CEP83: variants seen among roughly 807,000 people sequenced by gnomAD.
CEP83 encodes the protein centrosomal protein 83.
Under a neutral mutation model 101.9 loss-of-function variants are expected in CEP83, and 70 were observed. That is an observed-to-expected ratio of 0.69 (90% CI 0.57 to 0.84). The LOEUF (loss-of-function observed/expected upper bound fraction) is 0.84, where lower values mean the gene tolerates loss of function less well. Among genes scored for constraint, CEP83 ranks in the 40% least tolerant of loss-of-function variants. The probability of loss-of-function intolerance (pLI) is 0.00; values close to 1 mark genes in which losing one functional copy is unlikely to be tolerated. For missense variants in CEP83, 715 were observed against 787.2 expected, an observed-to-expected ratio of 0.91 and a Z score of 1.10; for synonymous variants, 264 against 267.9, an observed-to-expected ratio of 0.99 and a Z score of 0.14.
At chr12:94,413,863 CACATACAT>C (rs1249458075) in intron 2 of CEP83, among the ~76,000 whole-genome samples, 15 of 145,300 alleles carry the variant, frequency 1.0e-4, no homozygotes, top group East Asian at 4.0e-4. Context: ...CACACACACA[CACATACAT>C]ACATATTTTT....
At chr12:94,302,577 A>C (rs1968571239), downstream of CEP83, among the ~76,000 whole-genome samples, 2 of 152,196 alleles carry the variant, frequency 1.3e-5, no homozygotes, top group South Asian at 4.1e-4. Context: ...GTTGTTTATG[A>C]ATTATGTTCT....
intron 8 of CEP83, among the ~76,000 whole-genome samples, chr12:94,375,387 T>C (rs2137112036): frequency 6.6e-6 from 1 of 152,224 alleles, no homozygotes; most frequent in Middle Eastern, 3.4e-3. Flanking sequence ...CTGAGCAAGA[T>C]GTGAGTTTGC....
Position 94,367,903 on chromosome 12 carries a change from T to C in CEP83, c.1234A>G (p.Lys412Glu), listed in dbSNP as rs755685608. The C allele has an allele frequency of 4.3e-6, 7 of 1,613,798 alleles. No homozygotes were observed. Among genetic ancestry groups the C allele is most frequent in the South Asian group, 3.3e-5 (3 of 91,060 alleles). Residue 412 changes from lysine to glutamate, a missense_variant, in exon 11 of 17, where the codon AAA becomes GAA. Transcript: ENST00000397809. The part of the protein sequence containing the change: ...ENRLADLEKM[K>E]VEHDVWRQSE... ...TGCCTCCAGACATCATGTTCCACTT[T>C]CATTTTCTCCAAATCTGCTAATCTG... is the stretch of plus-strand genomic sequence containing the variant.
chr12:94,371,326 A>G (rs184245252), intron 8 of CEP83, among the ~76,000 whole-genome samples: 1 of 152,352 alleles, frequency 6.6e-6, no homozygotes, highest in Non-Finnish European at 1.5e-5. Context: ...AGGAAGAATC[A>G]ATTGAATCTG....
intron 11 of CEP83, among the ~76,000 whole-genome samples, chr12:94,364,332 A>G (rs1337266260): frequency 6.6e-6 from 1 of 152,232 alleles, no homozygotes; most frequent in Non-Finnish European, 1.5e-5. Context: ...ACTGCAAACA[A>G]ACTTTTTAAT....
At chr12:94,305,471 G>A (rs1968910854), downstream of CEP83, 1 of 545,908 alleles carries the variant, frequency 1.8e-6, no homozygotes, top group Non-Finnish European at 3.3e-6. Flanking sequence ...GTGCCTGTGT[G>A]TATACCGTGG....
intron 2 of CEP83, among the ~76,000 whole-genome samples, chr12:94,429,311 C>T (rs886538846): frequency 6.6e-6 from 1 of 152,154 alleles, no homozygotes; most frequent in Admixed American, 6.5e-5. Flanking sequence ...GCAATCCTAG[C>T]CACAGTAGAG....
At chr12:94,440,439 G>C (rs754412249) in intron 1 of CEP83, among the ~76,000 whole-genome samples, 4 of 151,404 alleles carry the variant, frequency 2.6e-5, no homozygotes, top group Non-Finnish European at 4.4e-5. Context: ...TTTTACAATA[G>C]CTGCAAAAAA....
chr12:94,334,340 G>C (rs1009326827), intron 12 of CEP83, among the ~76,000 whole-genome samples: 6 of 152,006 alleles, frequency 3.9e-5, no homozygotes, highest in African/African-American at 1.4e-4. Flanking sequence ...CTTTATCTGG[G>C]AGTACTTTTT....
intron 11 of CEP83, among the ~76,000 whole-genome samples, chr12:94,340,255 T>C (rs2059621808): frequency 6.6e-6 from 1 of 152,188 alleles, no homozygotes; most frequent in Non-Finnish European, 1.5e-5. Context: ...CCTTGGTTAT[T>C]GCTATTCCCC....
At chr12:94,341,715 T>C (rs1209750317) in intron 11 of CEP83, among the ~76,000 whole-genome samples, 2 of 152,188 alleles carry the variant, frequency 1.3e-5, no homozygotes, top group Non-Finnish European at 2.9e-5. Context: ...AGAAAATTAT[T>C]CACATTTAAG....
intron 11 of CEP83, among the ~76,000 whole-genome samples, chr12:94,354,307 G>A (rs540512831): frequency 8.6e-5 from 13 of 151,918 alleles, no homozygotes; most frequent in African/African-American, 3.1e-4. Flanking sequence ...TCAGCCTCTC[G>A]AGTAGCGGGG....
chr12:94,379,739 A>C (rs1314127364), intron 6 of CEP83, among the ~76,000 whole-genome samples: 1 of 151,992 alleles, frequency 6.6e-6, no homozygotes, highest in African/African-American at 2.4e-5. Context: ...GTGGGTTTCA[A>C]ACTGTTTCCT....
At chr12:94,373,007 T>A (rs1367272252) in intron 8 of CEP83, among the ~76,000 whole-genome samples, 1 of 152,196 alleles carries the variant, frequency 6.6e-6, no homozygotes, top group Non-Finnish European at 1.5e-5. Flanking sequence ...TAATAGCACT[T>A]TTCTATGAGT....
At chr12:94,318,487 T>C (rs1174122430) in intron 14 of CEP83, among the ~76,000 whole-genome samples, 1 of 152,196 alleles carries the variant, frequency 6.6e-6, no homozygotes, top group Non-Finnish European at 1.5e-5. Context: ...ATAATTGTCT[T>C]GTGCTGGTTT....
At chr12:94,291,981 C>A in the CEP83 span, among the ~76,000 whole-genome samples, 1 of 152,182 alleles carries the variant, frequency 6.6e-6, no homozygotes, top group Non-Finnish European at 1.5e-5. Context: ...TAGGACCATA[C>A]AATATGTGGT....
the CEP83 span, chr12:94,279,629 A>G: frequency 1.9e-6 from 3 of 1,614,208 alleles, no homozygotes; most frequent in Non-Finnish European, 2.5e-6. Flanking sequence ...TATGGACTTC[A>G]GCTTAATGAA....
chr12:94,323,161 A>G (rs994479611), intron 14 of CEP83, among the ~76,000 whole-genome samples: 1 of 152,036 alleles, frequency 6.6e-6, no homozygotes, highest in African/African-American at 2.4e-5. Flanking sequence ...GCAGACTGTC[A>G]CTGCTCTATC....
chr12:94,303,062 A>T, downstream of CEP83, among the ~76,000 whole-genome samples: 1 of 152,234 alleles, frequency 6.6e-6, no homozygotes, highest in East Asian at 1.9e-4. Flanking sequence ...TTCCCTGAGT[A>T]GAATTTTTTA....
Sources: gnomAD v4.1 joint callset for allele counts (sites outside exome capture counted in the v4.1 genomes callset) on GRCh38, gnomAD v4.1.1 for gene constraint, MANE v1.5 for transcripts, NCBI Gene and HGNC (gene_info 2026-07-23, HGNC 2026-07-21) for gene names.